PIK3C3: variants seen among roughly 807,000 people sequenced by gnomAD.
PIK3C3 encodes the protein phosphatidylinositol 3-kinase catalytic subunit type 3, also known as PI3-kinase type 3.
PIK3C3 carries 95 observed loss-of-function variants against 126.1 expected under a neutral mutation model. The observed-to-expected ratio is 0.75, with a 90% CI of 0.64 to 0.89. PIK3C3 has a LOEUF of 0.89. PIK3C3 is among the 40% of genes least tolerant of loss of function. The probability of loss-of-function intolerance (pLI) is 0.00; values close to 1 mark genes in which losing one functional copy is unlikely to be tolerated. For missense variants in PIK3C3, 829 were observed against 1,063.2 expected, an observed-to-expected ratio of 0.78 and a Z score of 3.06; for synonymous variants, 374 against 360.0, an observed-to-expected ratio of 1.04 and a Z score of -0.44.
intron 23 of PIK3C3, among the ~76,000 whole-genome samples, chr18:42,066,971 G>A (rs536827529): frequency 2.2e-4 from 34 of 151,928 alleles, no homozygotes; most frequent in Admixed American, 3.9e-4. Flanking sequence ...ATCTCACCTT[G>A]CTTCATCCAA....
At chr18:41,975,409 T>C (rs1453396639) in intron 4 of PIK3C3, among the ~76,000 whole-genome samples, 3 of 152,194 alleles carry the variant, frequency 2.0e-5, no homozygotes, top group African/African-American at 4.8e-5. Flanking sequence ...TAGACGCCCC[T>C]GGTGGCTACA....
intron 4 of PIK3C3, among the ~76,000 whole-genome samples, chr18:41,973,574 A>G (rs1399326168): frequency 2.0e-5 from 3 of 152,092 alleles, no homozygotes; most frequent in African/African-American, 4.8e-5. Context: ...TTAAATTCTT[A>G]AAATTATGCT....
intron 24 of PIK3C3, among the ~76,000 whole-genome samples, chr18:42,076,103 T>C (rs778931527): frequency 1.1e-3 from 70 of 66,468 alleles, no homozygotes; most frequent in Non-Finnish European, 1.6e-3. Flanking sequence ...TATATATATA[T>C]ATATATATAT....
chr18:42,004,432 A>T lies in PIK3C3; in HGVS notation c.1061A>T (p.Lys354Ile). The T allele has an allele frequency of 1.2e-6, 2 of 1,613,868 alleles. No homozygotes were observed. The highest frequency in any genetic ancestry group is 1.7e-6 in the Non-Finnish European group (2 of 1,179,892). ...AAACAGGCCTTGGAACTTCTGGGAA[A>T]ATGGAAGCCGATGGATGTAGAGGAC... ...EAKQALELLG[K>I]WKPMDVEDSL... Residue 354 changes from lysine to isoleucine, a missense_variant, in exon 10 of 25, where the codon AAA becomes ATA. Lys to Ile is a moderately radical substitution (Grantham distance 102). Around this residue, in one of 4 missense-constraint regions of PIK3C3, gnomAD observed 64 missense variants for 118.7 expected, o/e 0.54. Transcript: ENST00000262039.
intron 2 of PIK3C3, among the ~76,000 whole-genome samples, chr18:41,961,284 A>G (rs1980072197): frequency 6.6e-6 from 1 of 152,112 alleles, no homozygotes. Flanking sequence ...GCCAGTGTTA[A>G]TTAACTTCTG....
rs573387868 is a variant in PIK3C3, at chr18:41,983,489, A to G, written c.532-4323A>G. On this transcript the variant is annotated intron_variant, in intron 4 of 24. Coordinates refer to ENST00000262039, the MANE Select transcript of PIK3C3 (RefSeq NM_002647.4). ...TCCATTATGTCTGTCACCCTTTCACATAGAAAGCCTTTCAATAAGTATAAA... is the reference window on the plus strand; with the variant it reads ...TCCATTATGTCTGTCACCCTTTCACGTAGAAAGCCTTTCAATAAGTATAAA... 4.1e-4 allele frequency among the ~76,000 whole-genome samples: 62 copies of G among 152,234 alleles called. No homozygotes were observed. In the South Asian group the frequency reaches 0.011, roughly 27 times the overall value.
chr18:42,062,192 T>C (rs1985345044), intron 22 of PIK3C3, among the ~76,000 whole-genome samples: 1 of 151,936 alleles, frequency 6.6e-6, no homozygotes, highest in South Asian at 2.1e-4. Context: ...ACCTATGTAA[T>C]CAACAAAACA....
At position 42,086,655 on chromosome 18, in the gene PIK3C3, C is replaced by CCACCAG. The variant is rs1227007713; in HGVS notation, c.*5524_*5529dup. 6.6e-6 allele frequency: 1 copy of CCACCAG among 152,092 alleles called. No homozygotes were observed. The highest frequency in any genetic ancestry group is 6.6e-5 in the Admixed American group (1 of 15,264). 9.4% of individuals were successfully genotyped at this position (152,092 alleles called of 1,614,324 possible). A position where few individuals can be genotyped will look rare whatever the true frequency, so the allele number is the denominator to read the frequency against. On this transcript the variant is annotated 3_prime_UTR_variant, in exon 25 of 25. Coordinates refer to ENST00000262039, the MANE Select transcript of PIK3C3 (RefSeq NM_002647.4). The stretch of plus-strand genomic sequence containing the variant: ...TGCATTGACATGCTAAGAGACACTC[C>CCACCAG]CACCAGCACCATGACAGTTTACAAA...
At chr18:42,059,026 C>G (rs1251393159) in intron 22 of PIK3C3, among the ~76,000 whole-genome samples, 1 of 152,198 alleles carries the variant, frequency 6.6e-6, no homozygotes, top group Non-Finnish European at 1.5e-5. Context: ...AGTACATAGG[C>G]ACTCATTGTG....
intron 16 of PIK3C3, 59 bp from the exon 17 acceptor site, chr18:42,037,633 A>G (rs1169384707): frequency 6.9e-7 from 1 of 1,456,180 alleles, no homozygotes; most frequent in East Asian, 2.3e-5. Flanking sequence ...TTGTATGTAT[A>G]GTACAATTTT....
chr18:41,957,306 A>C (rs1979830387), intron 1 of PIK3C3, among the ~76,000 whole-genome samples: 1 of 152,164 alleles, frequency 6.6e-6, no homozygotes, highest in Non-Finnish European at 1.5e-5. Context: ...AGAAGTATAA[A>C]ATAGAGAAAT....
Position 42,019,362 on chromosome 18 carries a change from T to C in PIK3C3, c.1417-1276T>C, listed in dbSNP as rs571042421. On this transcript the variant is annotated intron_variant, in intron 12 of 24. Transcript: ENST00000262039. ...TGTTTATACATACTCTTTTCTTCCT[T>C]CTTTCCAGCCTTTAGTCCATATCAT... Among the ~76,000 whole-genome samples, 5 of 152,288 alleles carry C rather than the reference T, an allele frequency of 3.3e-5. No individual in the cohort carries two copies. The East Asian group carries it at 5.8e-4, about 18-fold the overall frequency.
intron 14 of PIK3C3, 30 bp from the exon 15 acceptor site, chr18:42,029,295 A>T: frequency 7.4e-7 from 1 of 1,343,306 alleles, no homozygotes; most frequent in Non-Finnish European, 1.1e-6. Context: ...GCAACATAGA[A>T]CTAATTTTTT....
intron 3 of PIK3C3, among the ~76,000 whole-genome samples, chr18:41,967,361 C>A (rs932614747): frequency 1.3e-5 from 2 of 152,174 alleles, no homozygotes; most frequent in Non-Finnish European, 2.9e-5. Flanking sequence ...TGTGCCACTA[C>A]CATTCTCATA....
intron 24 of PIK3C3, among the ~76,000 whole-genome samples, chr18:42,071,251 T>G (rs1393509383): frequency 6.6e-6 from 1 of 152,222 alleles, no homozygotes; most frequent in Non-Finnish European, 1.5e-5. Flanking sequence ...ATATCATTTC[T>G]TAGCTCTCCA....
chr18:42,010,930 G>A (rs181140371), intron 10 of PIK3C3, among the ~76,000 whole-genome samples: 111 of 152,344 alleles, frequency 7.3e-4, no homozygotes, highest in African/African-American at 2.6e-3. Context: ...TGGATGTTGT[G>A]TTAGCAGGAA....
At chr18:42,077,347 C>T (rs1032365246) in intron 24 of PIK3C3, among the ~76,000 whole-genome samples, 2 of 152,188 alleles carry the variant, frequency 1.3e-5, no homozygotes, top group Non-Finnish European at 2.9e-5. Context: ...CTCTCTGTAG[C>T]ATGTGATGCT....
intron 6 of PIK3C3, among the ~76,000 whole-genome samples, chr18:41,992,131 A>T (rs1037521818): frequency 1.3e-5 from 2 of 152,188 alleles, no homozygotes; most frequent in African/African-American, 4.8e-5. Context: ...ACCCCTTTCT[A>T]CCACTTCCTG....
intron 4 of PIK3C3, among the ~76,000 whole-genome samples, chr18:41,974,475 T>C (rs946659648): frequency 6.6e-6 from 1 of 152,192 alleles, no homozygotes; most frequent in Non-Finnish European, 1.5e-5. Context: ...CCTTAATTTT[T>C]ATTTTTTATA....
Sources: allele counts gnomAD v4.1 joint callset (sites outside exome capture counted in the v4.1 genomes callset), GRCh38; gene constraint gnomAD v4.1.1; regional missense constraint gnomAD v4.1.1; transcripts MANE v1.5; gene names NCBI Gene and HGNC (gene_info 2026-07-23, HGNC 2026-07-21).